Variants in CLEC16A observed in about 807,000 individuals in gnomAD.
CLEC16A encodes C-type lectin domain containing 16A.
CLEC16A carries 51 observed loss-of-function variants against 109.5 expected under a neutral mutation model. The ratio of observed to expected loss-of-function variants is 0.47; its 90% CI spans 0.37 to 0.59. The LOEUF (loss-of-function observed/expected upper bound fraction) is 0.59. Ranked by LOEUF, CLEC16A falls within the 20% of genes least tolerant of loss-of-function variation. The pLI, the probability that CLEC16A is intolerant of heterozygous loss-of-function variation, is 0.00. For synonymous variants in CLEC16A, 673 were observed against 564.2 expected (o/e 1.19, Z -2.73); for missense variants, 1,339 against 1,394.0 (o/e 0.96, Z 0.63).
At chr16:11,135,095 A>G (rs1350118719) in intron 22 of CLEC16A, among the ~76,000 whole-genome samples, 1 of 152,254 alleles carries the variant, frequency 6.6e-6, no homozygotes, top group Non-Finnish European at 1.5e-5. Context: ...GATGACTTCA[A>G]AATCCTGCCT....
At chr16:11,167,467 G>A (rs1228624419) in intron 23 of CLEC16A, among the ~76,000 whole-genome samples, 1 of 152,162 alleles carries the variant, frequency 6.6e-6, no homozygotes, top group Non-Finnish European at 1.5e-5. Context: ...GATTGATCAT[G>A]GCAGGAGGAC....
intron 15 of CLEC16A, 135 bp from the exon 16 acceptor site, chr16:11,043,893 A>C (rs1009308222): frequency 3.5e-6 from 2 of 579,118 alleles, no homozygotes; most frequent in East Asian, 3.1e-5. Context: ...GAAAAAAAAA[A>C]AACACCATTT....
At chr16:11,010,064 G>A (rs544582751) in intron 11 of CLEC16A, among the ~76,000 whole-genome samples, 125 of 152,260 alleles carry the variant, frequency 8.2e-4, no homozygotes, top group African/African-American at 2.8e-3. Context: ...GAGGTGGAAG[G>A]ATCCCTTGAG....
intron 17 of CLEC16A, among the ~76,000 whole-genome samples, chr16:11,050,497 A>G (rs964197752): frequency 1.3e-5 from 2 of 152,248 alleles, no homozygotes; most frequent in Admixed American, 6.5e-5. Flanking sequence ...AAAGAGTAAA[A>G]TGAATTCTGC....
At chr16:11,049,543 G>A (rs1018106605) in intron 17 of CLEC16A, among the ~76,000 whole-genome samples, 1 of 152,080 alleles carries the variant, frequency 6.6e-6, no homozygotes, top group African/African-American at 2.4e-5. Flanking sequence ...ACAATGCCTG[G>A]CATTCCAGAG....
chr16:11,027,528 G>C, intron 13 of CLEC16A: 1 of 1,570,526 alleles, frequency 6.4e-7, no homozygotes, highest in African/African-American at 1.3e-5. Flanking sequence ...CCCTCTGACA[G>C]ACAACACAGT....
At chr16:11,023,668 G>T (rs572237465) in intron 12 of CLEC16A, among the ~76,000 whole-genome samples, 1 of 151,202 alleles carries the variant, frequency 6.6e-6, no homozygotes, top group East Asian at 1.9e-4. Context: ...CATGTATAGA[G>T]TCAAAAATTC....
intron 22 of CLEC16A, among the ~76,000 whole-genome samples, chr16:11,139,032 T>C (rs1278062806): frequency 6.6e-6 from 1 of 152,008 alleles, no homozygotes; most frequent in African/African-American, 2.4e-5. Context: ...GGCAAAATCT[T>C]AAGAAGGCTT....
At chr16:11,154,333 A>G (rs1453731232) in intron 22 of CLEC16A, among the ~76,000 whole-genome samples, 1 of 152,238 alleles carries the variant, frequency 6.6e-6, no homozygotes, top group South Asian at 2.1e-4. Flanking sequence ...ACTCTCTATC[A>G]AAGAAATGCA....
In CLEC16A at chr16:11,089,295, C is replaced by T. The variant is rs564375857; in HGVS notation, c.2116+28273C>T. 4.6e-5 allele frequency among the ~76,000 whole-genome samples: 7 copies of T among 152,268 alleles called. No individual in the cohort carries two copies. In the South Asian group the frequency reaches 1.5e-3, roughly 32 times the overall value. ...ACTTTAAAGTGGGGTTTTCCTGCGTCGGGACATCAGGGTATGAGGGTGGGC... is the reference window on the plus strand; with the variant it reads ...ACTTTAAAGTGGGGTTTTCCTGCGTTGGGACATCAGGGTATGAGGGTGGGC... On this transcript the variant is annotated intron_variant, in intron 19 of 23. Transcript: ENST00000409790.
At chr16:11,031,677 C>G (rs766287808) in intron 13 of CLEC16A, among the ~76,000 whole-genome samples, 1 of 152,194 alleles carries the variant, frequency 6.6e-6, no homozygotes, top group African/African-American at 2.4e-5. Flanking sequence ...CAAACAAATG[C>G]TTTCATGGAA....
intron 10 of CLEC16A, among the ~76,000 whole-genome samples, chr16:11,001,953 G>A (rs1239520719): frequency 6.6e-6 from 1 of 152,182 alleles, no homozygotes; most frequent in African/African-American, 2.4e-5. Context: ...GGTTATTTAT[G>A]TTTAATATAA....
rs144873917 is a variant in CLEC16A at position 11,026,961 on chromosome 16, C to T, written c.1537+2040C>T. On this transcript the variant is annotated intron_variant, in intron 13 of 23. Transcript: ENST00000409790. ...GACGTCTCTATGGTCAAGTAAACAG[C>T]GCGCGTGCTGTCTTTCCCATGTGGT... 25 of 1,406,274 alleles carry T rather than the reference C, an allele frequency of 1.8e-5. No homozygotes were observed. The Admixed American group carries it at 1.9e-4, about 11-fold the overall frequency. 87.1% of individuals were successfully genotyped at this position (1,406,274 alleles called of 1,614,324 possible). A position where few individuals can be genotyped will look rare whatever the true frequency, so the allele number is the denominator to read the frequency against.
rs753463840 is a variant in CLEC16A at position 11,123,996 on chromosome 16, G to A, written c.2473+50G>A. 11 of 1,530,670 alleles carry A rather than the reference G, an allele frequency of 7.2e-6. No individual in the cohort carries two copies. The Admixed American group carries it at 7.8e-5, about 11-fold the overall frequency. 94.8% of individuals were successfully genotyped at this position (1,530,670 alleles called of 1,614,324 possible). ...CATCCTCTGAGCACTTGGTGGGTCA[G>A]GGCTGTTTGTAGTTCTCACACTGAC... On this transcript the variant is annotated intron_variant, in intron 21 of 23. Coordinates refer to ENST00000409790, the MANE Select transcript of CLEC16A (RefSeq NM_015226.3).
At chr16:11,162,022 TG>T (rs1326707466) in intron 22 of CLEC16A, among the ~76,000 whole-genome samples, 1 of 152,198 alleles carries the variant, frequency 6.6e-6, no homozygotes, top group East Asian at 1.9e-4. Context: ...GGGCAGAGCT[TG>T]GACTCAAACC....
At chr16:11,000,654 C>T (rs150150701) in intron 10 of CLEC16A, among the ~76,000 whole-genome samples, 35 of 152,218 alleles carry the variant, frequency 2.3e-4, no homozygotes, top group African/African-American at 6.0e-4. Context: ...CGGTTATTGG[C>T]GTCTGTAATA....
chr16:11,122,778 C>T (rs538150851), intron 20 of CLEC16A, among the ~76,000 whole-genome samples: 2 of 151,982 alleles, frequency 1.3e-5, no homozygotes, highest in African/African-American at 2.4e-5. Flanking sequence ...ATGCAGAGTC[C>T]GTTCTGAGGT....
intron 11 of CLEC16A, among the ~76,000 whole-genome samples, chr16:11,004,255 T>G (rs2044853037): frequency 6.6e-6 from 1 of 152,210 alleles, no homozygotes; most frequent in Non-Finnish European, 1.5e-5. Flanking sequence ...GCCCTATTGC[T>G]TGTGTCATGG....
At chr16:11,024,791 A>C (rs1489598437) in intron 12 of CLEC16A, 30 bp from the exon 13 acceptor site, 26 of 1,532,036 alleles carry the variant, frequency 1.7e-5, no homozygotes, top group Non-Finnish European at 2.3e-5. Context: ...GTGCACCGTG[A>C]GGCTCATACA....
Sources: allele counts gnomAD v4.1 joint callset (sites outside exome capture counted in the v4.1 genomes callset), GRCh38; gene constraint gnomAD v4.1.1; transcripts MANE v1.5; gene names NCBI Gene and HGNC (gene_info 2026-07-23, HGNC 2026-07-21).